CNTN4: variants seen among roughly 807,000 people sequenced by gnomAD.
CNTN4 encodes contactin 4, also known as contactin-4.
In CNTN4, 77 loss-of-function variants were observed where a neutral mutation model predicts 122.5. The observed-to-expected ratio is 0.63, with a 90% confidence interval of 0.52 to 0.76. CNTN4 has a LOEUF of 0.76. Among genes scored for constraint, CNTN4 ranks in the 30% least tolerant of loss-of-function variants. CNTN4 has a pLI of 0.00. For synonymous variants in CNTN4, 512 were observed against 447.0 expected, an observed-to-expected ratio of 1.15 and a Z score of -1.83; for missense variants, 1,256 against 1,259.1, an observed-to-expected ratio of 1.00 and a Z score of 0.04.
intron 4 of CNTN4, among the ~76,000 whole-genome samples, chr3:2,574,376 T>C (rs1479871070): frequency 6.6e-6 from 1 of 152,172 alleles, no homozygotes; most frequent in African/African-American, 2.4e-5. Flanking sequence ...TTAGTGACTC[T>C]CACATATGCC....
intron 3 of CNTN4, among the ~76,000 whole-genome samples, chr3:2,446,632 G>T (rs563345259): frequency 1.3e-5 from 2 of 152,228 alleles, no homozygotes; most frequent in African/African-American, 4.8e-5. Context: ...TTTGGAGCTT[G>T]TCTCTCTAAG....
At chr3:2,842,987 T>G (rs1272223857) in intron 7 of CNTN4, among the ~76,000 whole-genome samples, 1 of 152,154 alleles carries the variant, frequency 6.6e-6, no homozygotes, top group East Asian at 1.9e-4. Flanking sequence ...TCCAGTCCAA[T>G]GGCTTCAAAT....
At chr3:2,553,193 C>T (rs2078585106) in intron 3 of CNTN4, among the ~76,000 whole-genome samples, 1 of 152,140 alleles carries the variant, frequency 6.6e-6, no homozygotes, top group South Asian at 2.1e-4. Context: ...AGAGAAGAAT[C>T]ATCCTCAGCC....
intron 13 of CNTN4, among the ~76,000 whole-genome samples, chr3:2,978,411 G>T (rs940971946): frequency 1.3e-5 from 2 of 152,186 alleles, no homozygotes; most frequent in African/African-American, 2.4e-5. Flanking sequence ...TTAAAGAGAG[G>T]TTCAAGCCAG....
At chr3:2,944,231 C>A in intron 13 of CNTN4, among the ~76,000 whole-genome samples, 1 of 151,490 alleles carries the variant, frequency 6.6e-6, no homozygotes, top group African/African-American at 2.4e-5. Context: ...TATAACACCT[C>A]CTTTATTAAA....
chr3:2,120,393 ATATATATATATATT>A (rs1559260928), intron 2 of CNTN4, among the ~76,000 whole-genome samples: 17 of 29,522 alleles, frequency 5.8e-4, no homozygotes, highest in African/African-American at 1.6e-3. Flanking sequence ...ATATATATAT[ATATATATATATATT>A]TTTTTTTTTT....
chr3:2,198,041 AAGG>A (rs1027925117), intron 2 of CNTN4, among the ~76,000 whole-genome samples: 2 of 150,692 alleles, frequency 1.3e-5, no homozygotes, highest in Non-Finnish European at 3.0e-5. Context: ...AAAAAAAAAA[AAGG>A]AGAGAATTTT....
At chr3:2,185,681 T>C (rs1235170371) in intron 2 of CNTN4, among the ~76,000 whole-genome samples, 1 of 152,174 alleles carries the variant, frequency 6.6e-6, no homozygotes. Context: ...AGAAGAAAGA[T>C]GGTCTTCGGG....
At chr3:2,194,019 T>C (rs1357009575) in intron 2 of CNTN4, among the ~76,000 whole-genome samples, 1 of 152,182 alleles carries the variant, frequency 6.6e-6, no homozygotes, top group African/African-American at 2.4e-5. Context: ...GATGTGTGAC[T>C]CTTTTCAGTT....
chr3:2,745,576 T>G lies in CNTN4; in HGVS notation c.237T>G (p.Val79=). 1.2e-6 allele frequency: 2 copies of G among 1,614,176 alleles called. No individual in the cohort carries two copies. Among genetic ancestry groups the G allele is most frequent in the South Asian group, 1.1e-5 (1 of 91,080 alleles). ...VDTGMDFRYS[V]VEGSLLINNP... The stretch of plus-strand genomic sequence containing the variant: ...CTGGTATGGATTTCCGCTACAGTGT[T>G]GTTGAAGGGAGCTTGTTGATCAATA... Residue 79 remains valine (V), a synonymous_variant, in exon 6 of 25, where the codon GTT becomes GTG. Coordinates refer to ENST00000418658, the MANE Select transcript of CNTN4 (RefSeq NM_175607.3).
chr3:2,387,007 A>C (rs955202844), intron 3 of CNTN4, among the ~76,000 whole-genome samples: 3 of 152,166 alleles, frequency 2.0e-5, no homozygotes, highest in African/African-American at 7.2e-5. Flanking sequence ...ACCTAAAGGG[A>C]AGAAATAGAA....
At chr3:2,105,134 G>A (rs975330861) in intron 2 of CNTN4, among the ~76,000 whole-genome samples, 2 of 152,148 alleles carry the variant, frequency 1.3e-5, no homozygotes, top group African/African-American at 4.8e-5. Flanking sequence ...GTATGCCTTT[G>A]AACTAATTCC....
chr3:2,559,006 G>A (rs1002380253), intron 3 of CNTN4, among the ~76,000 whole-genome samples: 1 of 152,188 alleles, frequency 6.6e-6, no homozygotes, highest in African/African-American at 2.4e-5. Context: ...GAACCAGTTA[G>A]TGTTTGCCCG....
intron 5 of CNTN4, among the ~76,000 whole-genome samples, chr3:2,736,674 G>C (rs1038914899): frequency 6.6e-6 from 1 of 151,784 alleles, no homozygotes; most frequent in Non-Finnish European, 1.5e-5. Flanking sequence ...TGTTGGTCAG[G>C]CTGGTCTTGA....
At chr3:2,549,578 A>G (rs917173303) in intron 3 of CNTN4, among the ~76,000 whole-genome samples, 7 of 152,084 alleles carry the variant, frequency 4.6e-5, no homozygotes, top group African/African-American at 1.7e-4. Flanking sequence ...AAGCTTTTTG[A>G]TGTACTGCTG....
At chr3:2,877,212 C>T (rs2093854554) in intron 8 of CNTN4, among the ~76,000 whole-genome samples, 1 of 152,198 alleles carries the variant, frequency 6.6e-6, no homozygotes. Flanking sequence ...ATATAAGGAT[C>T]AGATCTGTGT....
intron 3 of CNTN4, among the ~76,000 whole-genome samples, chr3:2,450,367 A>AAAATAAATAAAT (rs56349378): frequency 0.012 from 1,749 of 148,504 alleles, 15 homozygotes; most frequent in Middle Eastern, 0.021. Flanking sequence ...ACTCTGTCTC[A>AAAATAAATAAAT]AAATAAATAA....
At chr3:2,499,488 T>A (rs923758877) in intron 3 of CNTN4, among the ~76,000 whole-genome samples, 1 of 152,096 alleles carries the variant, frequency 6.6e-6, no homozygotes, top group Admixed American at 6.6e-5. Context: ...GAGGTGAAAA[T>A]TATGGGGTGT....
At chr3:2,863,822 A>G (rs1040773230) in intron 7 of CNTN4, among the ~76,000 whole-genome samples, 3 of 152,156 alleles carry the variant, frequency 2.0e-5, no homozygotes, top group Non-Finnish European at 4.4e-5. Flanking sequence ...ACTCCGTTTT[A>G]CTTTGTTTAA....
Sources: allele counts gnomAD v4.1 joint callset (sites outside exome capture counted in the v4.1 genomes callset), GRCh38; gene constraint gnomAD v4.1.1; transcripts MANE v1.5; gene names NCBI Gene and HGNC (gene_info 2026-07-23, HGNC 2026-07-21).